VWA3B: variants seen among roughly 807,000 people sequenced by gnomAD.
VWA3B encodes the protein von Willebrand factor A domain-containing protein 3B.
In VWA3B, 138 loss-of-function variants were observed where a neutral mutation model predicts 158.3. The observed-to-expected ratio is 0.87, with a 90% CI of 0.76 to 1.00. The LOEUF is 1.00. Among genes scored for constraint, VWA3B ranks in the 50% least tolerant of loss-of-function variants. The pLI is 0.00. For missense variants in VWA3B, 1,555 were observed against 1,565.1 expected, an observed-to-expected ratio of 0.99 and a Z score of 0.11; for synonymous variants, 596 against 587.3, an observed-to-expected ratio of 1.01 and a Z score of -0.21.
In VWA3B at chr2:98,179,459, A is replaced by C. The variant is rs554232715; in HGVS notation, c.1115-1557A>C. Reference sequence around the variant, plus strand: ...TAAGGTGAGTTGTCCTAGATAGGGCACATGAGGTTTCTGAGCCTGCAGGGT... The same window carrying C: ...TAAGGTGAGTTGTCCTAGATAGGGCCCATGAGGTTTCTGAGCCTGCAGGGT... On this transcript the variant is annotated intron_variant, in intron 8 of 27. Coordinates refer to ENST00000477737, the MANE Select transcript of VWA3B (RefSeq NM_144992.5). The C allele has an allele frequency of 1.7e-3, 688 of 409,286 alleles. 7 individuals are homozygous for C. The highest frequency in any genetic ancestry group is 0.012 in the South Asian group (661 of 54,738). 25.4% of individuals were successfully genotyped at this position (409,286 alleles called of 1,614,324 possible).
intron 22 of VWA3B, among the ~76,000 whole-genome samples, chr2:98,288,046 C>T (rs916137010): frequency 1.3e-5 from 2 of 152,128 alleles, no homozygotes; most frequent in Non-Finnish European, 2.9e-5. Flanking sequence ...TACCCTTTAC[C>T]TCATAGACTA....
At chr2:98,260,462 A>T (rs766067850) in intron 21 of VWA3B, among the ~76,000 whole-genome samples, 2 of 151,914 alleles carry the variant, frequency 1.3e-5, no homozygotes, top group Non-Finnish European at 2.9e-5. Flanking sequence ...TAAGTATAGC[A>T]TAACAACTAT....
chr2:98,245,643 G>A (rs62156717), intron 19 of VWA3B: 19,858 of 456,360 alleles, frequency 0.044, 587 homozygotes, highest in Non-Finnish European at 0.063. Flanking sequence ...AATACATTAA[G>A]TCAGGAGACA....
intron 2 of VWA3B, among the ~76,000 whole-genome samples, chr2:98,108,324 T>A (rs1228586891): frequency 6.6e-6 from 1 of 152,222 alleles, no homozygotes; most frequent in Non-Finnish European, 1.5e-5. Flanking sequence ...GAAAAGAGTG[T>A]GTATTCTGCT....
chr2:98,123,695 AG>A lies in VWA3B; in HGVS notation c.702+2242del, dbSNP rs572782248. ...GTCCTGGGGACATGTTTGGTGGTTG[AG>A]GGGGTTGACATCCTCAGAGACCAGG... On this transcript the variant is annotated intron_variant, in intron 5 of 27. Coordinates refer to ENST00000477737, the MANE Select transcript of VWA3B (RefSeq NM_144992.5). 2.9e-4 allele frequency among the ~76,000 whole-genome samples: 44 copies of A among 152,234 alleles called. 1 individual carries two copies. The South Asian group carries it at 8.9e-3, about 31-fold the overall frequency.
chr2:98,239,090 A>G (rs1189061123), intron 19 of VWA3B, among the ~76,000 whole-genome samples: 1 of 152,184 alleles, frequency 6.6e-6, no homozygotes, highest in East Asian at 1.9e-4. Context: ...TGCTAGTGAG[A>G]GTATAAATTG....
chr2:98,266,959 G>A (rs1435341161), intron 21 of VWA3B, among the ~76,000 whole-genome samples: 2 of 149,452 alleles, frequency 1.3e-5, no homozygotes, highest in East Asian at 2.0e-4. Context: ...GAGACAATGG[G>A]GTTTTCTAGA....
At chr2:98,267,740 T>A (rs1318436697) in intron 21 of VWA3B, among the ~76,000 whole-genome samples, 1 of 151,930 alleles carries the variant, frequency 6.6e-6, no homozygotes, top group Non-Finnish European at 1.5e-5. Context: ...AAAAAATTAA[T>A]GGATCCAGGA....
intron 5 of VWA3B, among the ~76,000 whole-genome samples, chr2:98,123,397 G>A (rs1266867023): frequency 2.0e-5 from 3 of 152,192 alleles, no homozygotes; most frequent in Admixed American, 2.0e-4. Context: ...ATGAGGAGTA[G>A]GGCTGAACCA....
At chr2:98,285,479 G>A (rs1380689155) in intron 22 of VWA3B, among the ~76,000 whole-genome samples, 3 of 151,448 alleles carry the variant, frequency 2.0e-5, no homozygotes, top group South Asian at 2.1e-4. Context: ...TTCTCTTGAC[G>A]GGTCAGATGG....
Position 98,313,060 on chromosome 2 carries a change from T to C in VWA3B, c.*711T>C, listed in dbSNP as rs1435982750. ...CAAAAATGAAATCGCTCCATCAAAT[T>C]TCGTTTTTCTAGTCGGTAAGATCCC... On this transcript the variant is annotated 3_prime_UTR_variant, in exon 28 of 28. Transcript: ENST00000477737. The C allele has an allele frequency of 2.0e-5, 3 of 152,186 alleles. No homozygotes were observed. Among genetic ancestry groups the C allele is most frequent in the Non-Finnish European group, 4.4e-5 (3 of 68,036 alleles). The allele number at this position is 152,186 out of a possible 1,614,324, so 9.4% of individuals were successfully genotyped here.
chr2:98,138,870 G>A (rs1191131461), intron 7 of VWA3B, among the ~76,000 whole-genome samples: 2 of 152,252 alleles, frequency 1.3e-5, no homozygotes, highest in Non-Finnish European at 2.9e-5. Context: ...CTCACTCTCA[G>A]TGCCTCCTCT....
intron 1 of VWA3B, among the ~76,000 whole-genome samples, chr2:98,092,642 C>CAA (rs1314606844): frequency 6.6e-6 from 1 of 151,282 alleles, no homozygotes; most frequent in Non-Finnish European, 1.5e-5. Context: ...GACTCCTTCT[C>CAA]AAAAACAAAT....
At position 98,087,336 on chromosome 2, in the gene VWA3B, C is replaced by T. The variant is rs1048395552; in HGVS notation, c.-60C>T. 1 of 152,254 alleles carries T rather than the reference C, an allele frequency of 6.6e-6. No individual in the cohort carries two copies. The highest frequency in any genetic ancestry group is 1.5e-5 in the Non-Finnish European group (1 of 68,074). The allele number at this position is 152,254 out of a possible 1,614,324, so 9.4% of individuals were successfully genotyped here. A position where few individuals can be genotyped will look rare whatever the true frequency, so the allele number is the denominator to read the frequency against. The stretch of plus-strand genomic sequence containing the variant: ...GAGGGTGGCTGCTGAGCGGGAGCCG[C>T]CACGTCTTCCACCCGACATATTGCC... On this transcript the variant is annotated 5_prime_UTR_variant, in exon 1 of 28. Coordinates refer to ENST00000477737, the MANE Select transcript of VWA3B (RefSeq NM_144992.5).
intron 14 of VWA3B, among the ~76,000 whole-genome samples, chr2:98,220,186 AAG>A (rs1553418880): frequency 1.6e-3 from 240 of 150,268 alleles, no homozygotes; most frequent in African/African-American, 5.5e-3. Flanking sequence ...AAAAAAAAAA[AAG>A]ATACGAAAAA....
In VWA3B at chr2:98,217,078, G is replaced by T; in HGVS notation, c.1837-768G>T. 4.3e-6 allele frequency: 4 copies of T among 931,034 alleles called. No homozygotes were observed. The South Asian group carries it at 6.7e-5, about 16-fold the overall frequency. 57.7% of individuals were successfully genotyped at this position (931,034 alleles called of 1,614,324 possible). ...GTGCTGGGGAGCTGGGCAGAGGGTG[G>T]GGGTTCCCCTCAATGGCAGAGGGAG... On this transcript the variant is annotated intron_variant, in intron 13 of 27. Transcript: ENST00000477737.
intron 12 of VWA3B, among the ~76,000 whole-genome samples, chr2:98,197,723 C>T (rs1472646082): frequency 2.0e-5 from 3 of 151,934 alleles, no homozygotes; most frequent in Non-Finnish European, 4.4e-5. Flanking sequence ...TTCTTTTATG[C>T]TGCCTCTAAA....
At chr2:98,096,457 C>T (rs574316813) in intron 2 of VWA3B, among the ~76,000 whole-genome samples, 5 of 152,080 alleles carry the variant, frequency 3.3e-5, no homozygotes, top group South Asian at 2.1e-4. Context: ...TTAGTAGAGA[C>T]GGGATTTCAC....
chr2:98,168,314 T>C (rs1679269283), intron 8 of VWA3B, among the ~76,000 whole-genome samples: 1 of 152,030 alleles, frequency 6.6e-6, no homozygotes. Flanking sequence ...AGATGAGTTA[T>C]GAGCCTCAGA....
Sources: gnomAD v4.1 joint callset for allele counts (sites outside exome capture counted in the v4.1 genomes callset) on GRCh38, gnomAD v4.1.1 for gene constraint, MANE v1.5 for transcripts, NCBI Gene and HGNC (gene_info 2026-07-23, HGNC 2026-07-21) for gene names.